Variants in CADPS observed in about 807,000 individuals in gnomAD.
The protein encoded by CADPS is calcium-dependent secretion activator 1.
CADPS carries 57 observed loss-of-function variants against 167.3 expected under a neutral mutation model. That is an observed-to-expected ratio of 0.34 (90% confidence interval 0.28 to 0.42). The LOEUF (loss-of-function observed/expected upper bound fraction) is 0.42, where lower values mean the gene tolerates loss of function less well. CADPS is among the 20% of genes least tolerant of loss of function. The pLI, the probability that CADPS is intolerant of heterozygous loss-of-function variation, is 1.00. For missense variants in CADPS, 1,414 were observed against 1,738.1 expected (o/e 0.81, Z 3.32); for synonymous variants, 676 against 635.3 (o/e 1.06, Z -0.96).
intron 1 of CADPS, among the ~76,000 whole-genome samples, chr3:62,861,972 A>ACT (rs1200646117): frequency 1.3e-5 from 2 of 151,736 alleles, no homozygotes; most frequent in Admixed American, 6.6e-5. Context: ...TTCAAATACC[A>ACT]CTTCTTCCAC....
chr3:62,869,400 C>A (rs939134660), intron 1 of CADPS, among the ~76,000 whole-genome samples: 2 of 152,122 alleles, frequency 1.3e-5, no homozygotes, highest in Non-Finnish European at 2.9e-5. Flanking sequence ...CCAACAGAAT[C>A]TGACTGACAT....
chr3:62,641,644 A>G (rs1160689761), intron 6 of CADPS, among the ~76,000 whole-genome samples: 2 of 152,116 alleles, frequency 1.3e-5, no homozygotes, highest in African/African-American at 2.4e-5. Flanking sequence ...AAAACAACCT[A>G]TTGCAAATGG....
rs1561168173 is a variant in CADPS, at chr3:62,491,552, C to CAA, written c.2885-73_2885-72insTT. The CAA allele has an allele frequency of 1.9e-3, 1,722 of 883,930 alleles. 13 individuals are homozygous for CAA. The African/African-American group carries it at 0.031, about 16-fold the overall frequency. The allele number at this position is 883,930 out of a possible 1,614,324, so 54.8% of individuals were successfully genotyped here. Reference sequence around the variant, plus strand: ...TCAACGTACAACACACACACACACACACACAAACACACACACACACACACA... The same window carrying CAA: ...TCAACGTACAACACACACACACACACAAACACAAACACACACACACACACACA... On this transcript the variant is annotated intron_variant, in intron 20 of 29. Coordinates refer to ENST00000383710, the MANE Select transcript of CADPS (RefSeq NM_003716.4).
At chr3:62,536,677 G>T in intron 11 of CADPS, 96 bp from the exon 12 acceptor site, 1 of 1,266,350 alleles carries the variant, frequency 7.9e-7, no homozygotes, top group South Asian at 1.3e-5. Flanking sequence ...TAGACATTAT[G>T]AACGTTAGCT....
At chr3:62,811,216 G>A (rs1382046172) in intron 1 of CADPS, among the ~76,000 whole-genome samples, 2 of 152,036 alleles carry the variant, frequency 1.3e-5, no homozygotes, top group Admixed American at 6.6e-5. Context: ...TAAGAGAGTA[G>A]CCTAACATTT....
intron 3 of CADPS, among the ~76,000 whole-genome samples, chr3:62,724,265 A>G (rs905461863): frequency 2.0e-5 from 3 of 152,002 alleles, no homozygotes; most frequent in Non-Finnish European, 4.4e-5. Flanking sequence ...CCTCATCCAC[A>G]TGTCTACGAG....
At chr3:62,413,246 T>C (rs1469540065) in intron 28 of CADPS, among the ~76,000 whole-genome samples, 1 of 152,184 alleles carries the variant, frequency 6.6e-6, no homozygotes, top group East Asian at 1.9e-4. Context: ...AGTACCATTA[T>C]ACTTACTCAA....
intron 1 of CADPS, among the ~76,000 whole-genome samples, chr3:62,770,042 C>T (rs1249885323): frequency 1.3e-5 from 2 of 152,192 alleles, no homozygotes; most frequent in South Asian, 4.1e-4. Context: ...CTGACTTTGA[C>T]TTGCTCCACT....
At chr3:62,611,812 C>A (rs2061537833) in intron 6 of CADPS, among the ~76,000 whole-genome samples, 1 of 152,188 alleles carries the variant, frequency 6.6e-6, no homozygotes, top group Non-Finnish European at 1.5e-5. Context: ...GGGGATATTA[C>A]TTTACGCAGG....
At position 62,803,433 on chromosome 3, in the gene CADPS, T is replaced by C. The variant is rs139190053; in HGVS notation, c.442-37449A>G. On this transcript the variant is annotated intron_variant, in intron 1 of 29. Coordinates refer to ENST00000383710, the MANE Select transcript of CADPS (RefSeq NM_003716.4). ...TTTGGAAAAGTCTGGACATATTTTTTAGCTGTCACAACTGGAGGTGAGGGG... is the reference window on the plus strand; with the variant it reads ...TTTGGAAAAGTCTGGACATATTTTTCAGCTGTCACAACTGGAGGTGAGGGG... 5.0e-4 allele frequency among the ~76,000 whole-genome samples: 76 copies of C among 152,034 alleles called. 1 individual carries two copies. The East Asian group carries it at 0.014, about 29-fold the overall frequency.
intron 1 of CADPS, among the ~76,000 whole-genome samples, chr3:62,803,456 G>A (rs764640854): frequency 6.6e-6 from 1 of 151,944 alleles, no homozygotes; most frequent in Non-Finnish European, 1.5e-5. Context: ...TGGAGGTGAG[G>A]GGGAGACTGC....
In CADPS at chr3:62,455,071, G is replaced by A. The variant is rs749660486; in HGVS notation, c.3637-9274C>T. ...ATGAGAATTGTTCTCATCTCCTGTT[G>A]TTCAGGGTACTGTGCTCCGAGACTA... On this transcript the variant is annotated intron_variant, in intron 26 of 29. Coordinates refer to ENST00000383710, the MANE Select transcript of CADPS (RefSeq NM_003716.4). The surrounding 1 kb of genome is among the most constrained non-coding windows in gnomAD (Gnocchi z 4.4). Among the ~76,000 whole-genome samples, 5 of 151,874 alleles carry A rather than the reference G, an allele frequency of 3.3e-5. No individual in the cohort carries two copies. The highest frequency in any genetic ancestry group is 1.3e-4 in the Admixed American group (2 of 15,250).
chr3:62,564,926 G>C (rs1299738791), intron 9 of CADPS, among the ~76,000 whole-genome samples: 1 of 152,052 alleles, frequency 6.6e-6, no homozygotes, highest in African/African-American at 2.4e-5. Flanking sequence ...TTTGATCACA[G>C]AATAAAAATA....
At chr3:62,717,903 G>T (rs1241804606) in intron 3 of CADPS, among the ~76,000 whole-genome samples, 1 of 152,070 alleles carries the variant, frequency 6.6e-6, no homozygotes, top group East Asian at 1.9e-4. Context: ...TGTCGCATGT[G>T]TTCCCACAAC....
intron 9 of CADPS, among the ~76,000 whole-genome samples, chr3:62,567,564 C>CTT (rs10561022): frequency 0.012 from 406 of 33,852 alleles, 74 homozygotes; most frequent in African/African-American, 0.033. Flanking sequence ...CTAAGCACTG[C>CTT]TTTTTTTTTT....
chr3:62,653,817 G>A (rs576519114), intron 4 of CADPS, among the ~76,000 whole-genome samples: 21 of 152,044 alleles, frequency 1.4e-4, no homozygotes, highest in Admixed American at 9.2e-4. Flanking sequence ...AAAATATGGG[G>A]GTCTGAAATC....
At position 62,874,539 on chromosome 3, in the gene CADPS, C is replaced by T; in HGVS notation, c.441+50G>A. ...GCCAGCTCCCATTGTTCACCCCGCC[C>T]GCCTGGCGACGTCCGGGTGCTGCTC... On this transcript the variant is annotated intron_variant, in intron 1 of 29. Transcript: ENST00000383710. This position sits in a 1 kb window ranked among gnomAD's most constrained non-coding sequence, Gnocchi z 7.1. 7.0e-7 allele frequency: 1 copy of T among 1,426,560 alleles called. No homozygotes were observed. Among genetic ancestry groups the T allele is most frequent in the African/African-American group, 1.4e-5 (1 of 69,992 alleles). 88.4% of individuals were successfully genotyped at this position (1,426,560 alleles called of 1,614,324 possible).
In CADPS at chr3:62,811,515, T is replaced by C. The variant is rs2094394249; in HGVS notation, c.442-45531A>G. ...TTTGTAGATTAAGGAATATGGCATATGACTGTTAAAAGCCGTGCATTATAA... is the reference window on the plus strand; with the variant it reads ...TTTGTAGATTAAGGAATATGGCATACGACTGTTAAAAGCCGTGCATTATAA... On this transcript the variant is annotated intron_variant, in intron 1 of 29. Transcript: ENST00000383710. 2.0e-5 allele frequency among the ~76,000 whole-genome samples: 3 copies of C among 152,222 alleles called. No individual in the cohort carries two copies. In the South Asian group the frequency reaches 6.2e-4, roughly 32 times the overall value.
intron 1 of CADPS, among the ~76,000 whole-genome samples, chr3:62,771,316 A>G (rs895886891): frequency 6.6e-6 from 1 of 152,132 alleles, no homozygotes; most frequent in African/African-American, 2.4e-5. Context: ...TAGCTCTCGA[A>G]TTTCTCACAA....
Sources: gnomAD v4.1 joint callset for allele counts (sites outside exome capture counted in the v4.1 genomes callset) on GRCh38, gnomAD v4.1.1 for gene constraint, Gnocchi (gnomAD v3.1) non-coding constraint, MANE v1.5 for transcripts, NCBI Gene and HGNC (gene_info 2026-07-23, HGNC 2026-07-21) for gene names.